Variants in ANKFN1 observed in about 807,000 individuals in gnomAD.
ANKFN1 encodes ankyrin repeat and fibronectin type III domain containing 1, also known as ankyrin repeat and fibronectin type-III domain-containing protein 1.
Under a neutral mutation model 108.7 loss-of-function variants are expected in ANKFN1, and 74 were observed. The ratio of observed to expected loss-of-function variants is 0.68; its 90% CI spans 0.56 to 0.83. The LOEUF (loss-of-function observed/expected upper bound fraction) is 0.83. Among genes scored for constraint, ANKFN1 ranks in the 40% least tolerant of loss-of-function variants. The probability of loss-of-function intolerance (pLI) is 0.00; values close to 1 mark genes in which losing one functional copy is unlikely to be tolerated. For missense variants in ANKFN1, 1,505 were observed against 1,382.3 expected, an observed-to-expected ratio of 1.09 and a Z score of -1.41; for synonymous variants, 547 against 516.2, an observed-to-expected ratio of 1.06 and a Z score of -0.81.
At chr17:56,126,329 C>T (rs1019807725) in intron 4 of ANKFN1, among the ~76,000 whole-genome samples, 7 of 152,054 alleles carry the variant, frequency 4.6e-5, no homozygotes, top group African/African-American at 1.4e-4. Context: ...TTGACTGGCT[C>T]CCCCTGCCAG....
At chr17:56,111,009 G>A (rs1014780715) in intron 4 of ANKFN1, 1 of 152,314 alleles carries the variant, frequency 6.6e-6, no homozygotes, top group Non-Finnish European at 1.5e-5. Flanking sequence ...CAGCCTGAAG[G>A]CTGGGAGCAC....
intron 2 of ANKFN1, among the ~76,000 whole-genome samples, chr17:56,218,098 A>G (rs1915560840): frequency 6.6e-6 from 1 of 151,796 alleles, no homozygotes; most frequent in Non-Finnish European, 1.5e-5. Context: ...AACCATATCA[A>G]CCACCCCATT....
At position 56,330,984 on chromosome 17, in the gene ANKFN1, G is replaced by A. The variant is rs571846204; in HGVS notation, c.188+4629G>A. On this transcript the variant is annotated intron_variant, in intron 4 of 20. Transcript: ENST00000682825. ...GTGGCTTCCACTCTGTGTCATCATT[G>A]TAATAGGATTGGCCACCCTTTAGCA... 1.3e-3 allele frequency among the ~76,000 whole-genome samples: 192 copies of A among 152,228 alleles called. 1 individual carries two copies. The highest frequency in any genetic ancestry group is 4.1e-3 in the African/African-American group (172 of 41,548).
At chr17:56,343,662 A>T (rs1303636687) in intron 4 of ANKFN1, among the ~76,000 whole-genome samples, 2 of 151,846 alleles carry the variant, frequency 1.3e-5, no homozygotes, top group Non-Finnish European at 2.9e-5. Context: ...ATTTCTTCAA[A>T]TAGCCTTTCT....
intron 4 of ANKFN1, among the ~76,000 whole-genome samples, chr17:56,077,213 A>C (rs2332569): frequency 1.3e-5 from 2 of 152,010 alleles, no homozygotes; most frequent in South Asian, 2.1e-4. Context: ...GAATAGACAG[A>C]CTTCCCCACT....
chr17:56,434,906 C>T (rs1322547251), intron 8 of ANKFN1, among the ~76,000 whole-genome samples: 1 of 152,036 alleles, frequency 6.6e-6, no homozygotes, highest in Admixed American at 6.6e-5. Flanking sequence ...TAGCCAAATT[C>T]CGTTCATTAG....
intron 4 of ANKFN1, among the ~76,000 whole-genome samples, chr17:56,141,935 T>C (rs956941489): frequency 1.4e-5 from 2 of 142,668 alleles, no homozygotes; most frequent in East Asian, 4.0e-4. Flanking sequence ...TTTTTTTTTT[T>C]TTTTTTTTTT....
intron 1 of ANKFN1, among the ~76,000 whole-genome samples, chr17:56,186,971 C>T (rs1195939748): frequency 1.3e-5 from 2 of 152,148 alleles, no homozygotes; most frequent in Admixed American, 6.5e-5. Flanking sequence ...AGACCTAAAA[C>T]CATAAAAACC....
At chr17:56,489,615 C>T (rs1221310275) in intron 18 of ANKFN1, among the ~76,000 whole-genome samples, 2 of 152,154 alleles carry the variant, frequency 1.3e-5, no homozygotes, top group Non-Finnish European at 2.9e-5. Flanking sequence ...AAGCTGTGAA[C>T]ACCCCGGCTT....
chr17:56,167,335 A>G (rs1156661269), intron 1 of ANKFN1, among the ~76,000 whole-genome samples: 1 of 146,746 alleles, frequency 6.8e-6, no homozygotes, highest in Non-Finnish European at 1.5e-5. Flanking sequence ...ATATATATAT[A>G]TATATATGTA....
intron 3 of ANKFN1, among the ~76,000 whole-genome samples, chr17:56,238,372 G>T (rs1183199826): frequency 6.6e-6 from 1 of 152,040 alleles, no homozygotes; most frequent in Non-Finnish European, 1.5e-5. Flanking sequence ...ACTGTCAGTG[G>T]AGTGTTGGAG....
chr17:56,212,769 A>G (rs907891102), intron 2 of ANKFN1, among the ~76,000 whole-genome samples, 90 bp downstream of exon 2: 2 of 152,216 alleles, frequency 1.3e-5, no homozygotes. Flanking sequence ...TAGTAGTTCC[A>G]GTGCCTAGCA....
At chr17:56,095,928 C>A (rs184883882) in intron 4 of ANKFN1, among the ~76,000 whole-genome samples, 2 of 152,298 alleles carry the variant, frequency 1.3e-5, no homozygotes, top group Admixed American at 6.5e-5. Context: ...ATGTAAAGAA[C>A]GTGGGCTCTT....
At chr17:56,332,295 T>C (rs542904749) in intron 4 of ANKFN1, among the ~76,000 whole-genome samples, 83 of 152,284 alleles carry the variant, frequency 5.5e-4, no homozygotes, top group African/African-American at 1.9e-3. Context: ...AACAGGTGCT[T>C]GTGAAGCCAA....
intron 8 of ANKFN1, among the ~76,000 whole-genome samples, chr17:56,439,874 C>G (rs1055677929): frequency 7.9e-5 from 12 of 152,046 alleles, no homozygotes; most frequent in Non-Finnish European, 1.8e-4. Flanking sequence ...AATAAGTTAT[C>G]TACTATATAG....
At chr17:56,460,682 T>A (rs1476435838) in intron 14 of ANKFN1, among the ~76,000 whole-genome samples, 1 of 151,630 alleles carries the variant, frequency 6.6e-6, no homozygotes, top group Non-Finnish European at 1.5e-5. Flanking sequence ...GAAGGTAAAG[T>A]CTCACATTTC....
chr17:56,334,388 G>A (rs974978935), intron 4 of ANKFN1, among the ~76,000 whole-genome samples: 1 of 152,042 alleles, frequency 6.6e-6, no homozygotes, highest in African/African-American at 2.4e-5. Flanking sequence ...TAATGTATAT[G>A]TTCATTATCT....
intron 3 of ANKFN1, among the ~76,000 whole-genome samples, chr17:56,280,699 G>C (rs548892561): frequency 6.6e-6 from 1 of 150,528 alleles, no homozygotes; most frequent in East Asian, 1.9e-4. Flanking sequence ...ACAAAATCAC[G>C]GAGTTTTTTT....
intron 4 of ANKFN1, among the ~76,000 whole-genome samples, chr17:56,058,743 G>A (rs1249895029): frequency 2.6e-5 from 4 of 152,134 alleles, no homozygotes; most frequent in Non-Finnish European, 2.9e-5. Flanking sequence ...CTTCATCCAC[G>A]TCCCTGCAAA....
Sources: allele counts gnomAD v4.1 joint callset (sites outside exome capture counted in the v4.1 genomes callset), GRCh38; gene constraint gnomAD v4.1.1; transcripts MANE v1.5; gene names NCBI Gene and HGNC (gene_info 2026-07-23, HGNC 2026-07-21).